Variants in CALN1 observed in about 807,000 individuals in gnomAD.
The protein encoded by CALN1 is calneuron 1, also known as calcium-binding protein 8.
CALN1 carries 17 observed loss-of-function variants against 30.6 expected under a neutral mutation model. The ratio of observed to expected loss-of-function variants is 0.56; its 90% confidence interval spans 0.38 to 0.83. The LOEUF is 0.83. CALN1 is among the 40% of genes least tolerant of loss of function. The pLI is 0.00. For synonymous variants in CALN1, 156 were observed against 131.4 expected (o/e 1.19, Z -1.28); for missense variants, 291 against 354.9 (o/e 0.82, Z 1.45).
intron 5 of CALN1, among the ~76,000 whole-genome samples, chr7:72,016,955 C>CCAG (rs1181568683): frequency 5.6e-5 from 8 of 142,952 alleles, no homozygotes; most frequent in African/African-American, 1.1e-4. Flanking sequence ...GAGCTCAAGA[C>CCAG]CAGCCTGGCC....
chr7:72,439,681 A>G (rs1037739268), intron 1 of CALN1, among the ~76,000 whole-genome samples: 1 of 151,446 alleles, frequency 6.6e-6, no homozygotes, highest in Non-Finnish European at 1.5e-5. Flanking sequence ...GAGTTCAAGC[A>G]ATTCTCTACC....
chr7:72,054,915 A>AAAAC (rs949766576), intron 4 of CALN1, among the ~76,000 whole-genome samples: 2 of 152,116 alleles, frequency 1.3e-5, no homozygotes, highest in Non-Finnish European at 2.9e-5. Context: ...AAAACAAAAC[A>AAAAC]AAACAAAACA....
intron 4 of CALN1, among the ~76,000 whole-genome samples, chr7:72,063,794 T>C (rs1803829263): frequency 6.6e-6 from 1 of 152,130 alleles, no homozygotes; most frequent in Admixed American, 6.6e-5. Flanking sequence ...ATTTTGGATT[T>C]TGGGATTGTG....
At chr7:72,185,192 CA>C (rs1790093451) in intron 3 of CALN1, among the ~76,000 whole-genome samples, 3 of 151,890 alleles carry the variant, frequency 2.0e-5, no homozygotes, top group Admixed American at 6.6e-5. Context: ...TCAGCTCACC[CA>C]AAGAGTCCAA....
intron 3 of CALN1, among the ~76,000 whole-genome samples, chr7:72,219,762 C>T (rs74758987): frequency 0.015 from 2,278 of 152,040 alleles, 26 homozygotes; most frequent in Middle Eastern, 0.041. Context: ...ACAGAGGCAG[C>T]AGAATAGGAA....
Position 72,278,783 on chromosome 7 carries a change from G to A in CALN1, c.147C>T (p.Thr49=), listed in dbSNP as rs544217491. 4.6e-5 allele frequency: 74 copies of A among 1,613,676 alleles called. No homozygotes were observed. In the South Asian group the frequency reaches 5.1e-4, roughly 11 times the overall value. The part of the protein sequence containing the change: ...TWEKMPFHHV[T]AGLLYKGNYL... ...AATTCCCCTTGTACAACAAGCCGGC[G>A]GTCACATGGTGGAACGGCATCTTTT... The change falls in exon 3 of 7, where the codon ACC becomes ACT. Residue 49 remains threonine, a synonymous_variant. Transcript: ENST00000395275.
intron 2 of CALN1, among the ~76,000 whole-genome samples, chr7:72,334,668 A>G (rs1234360938): frequency 6.6e-6 from 1 of 152,232 alleles, no homozygotes; most frequent in African/African-American, 2.4e-5. Flanking sequence ...ATTACTGGCA[A>G]TAGTTGCTTT....
intron 2 of CALN1, among the ~76,000 whole-genome samples, chr7:72,331,936 T>G (rs1327387686): frequency 6.6e-6 from 1 of 152,198 alleles, no homozygotes; most frequent in Non-Finnish European, 1.5e-5. Context: ...CTTCCACTTA[T>G]AAGTGAGAAC....
intron 5 of CALN1, among the ~76,000 whole-genome samples, chr7:71,883,259 G>A (rs997864343): frequency 2.6e-5 from 4 of 152,040 alleles, no homozygotes; most frequent in Admixed American, 2.0e-4. Context: ...AGAAGTATTT[G>A]GTGCTGTATG....
chr7:72,029,689 G>C (rs1340631326), intron 4 of CALN1, among the ~76,000 whole-genome samples: 2 of 152,204 alleles, frequency 1.3e-5, no homozygotes, highest in Admixed American at 1.3e-4. Context: ...ATGAGGTTCA[G>C]ACAGTTTTCA....
intron 5 of CALN1, among the ~76,000 whole-genome samples, chr7:71,954,671 C>T (rs183086512): frequency 1.3e-5 from 2 of 151,966 alleles, no homozygotes; most frequent in African/African-American, 2.4e-5. Flanking sequence ...AAAGAAGATA[C>T]GGATTGAGAA....
intron 3 of CALN1, among the ~76,000 whole-genome samples, chr7:72,106,598 G>T (rs868660107): frequency 2.7e-5 from 4 of 145,718 alleles, no homozygotes; most frequent in African/African-American, 7.6e-5. Flanking sequence ...GAGAGTGGAA[G>T]AGAGGAATGA....
chr7:72,382,736 T>C (rs533072878), intron 2 of CALN1, among the ~76,000 whole-genome samples: 14 of 152,284 alleles, frequency 9.2e-5, no homozygotes, highest in African/African-American at 3.1e-4. Flanking sequence ...CCTTCTGCAT[T>C]AGTTCAACCT....
chr7:72,018,142 A>T (rs921440130), intron 5 of CALN1, among the ~76,000 whole-genome samples: 1 of 152,132 alleles, frequency 6.6e-6, no homozygotes, highest in Admixed American at 6.5e-5. Flanking sequence ...CACCATGATA[A>T]AATAGCAGGG....
At chr7:72,131,037 A>G (rs1191978852) in intron 3 of CALN1, among the ~76,000 whole-genome samples, 3 of 152,150 alleles carry the variant, frequency 2.0e-5, no homozygotes, top group Non-Finnish European at 4.4e-5. Context: ...TTGGTGTACT[A>G]AGCACCCATG....
chr7:72,023,990 T>C (rs1364711618), intron 4 of CALN1, among the ~76,000 whole-genome samples: 7 of 152,206 alleles, frequency 4.6e-5, no homozygotes, highest in Admixed American at 2.0e-4. Flanking sequence ...TCCTAAACAT[T>C]TGACAGTATT....
At chr7:72,242,025 G>C (rs1178753006) in intron 3 of CALN1, among the ~76,000 whole-genome samples, 1 of 152,144 alleles carries the variant, frequency 6.6e-6, no homozygotes, top group Non-Finnish European at 1.5e-5. Flanking sequence ...CTCTGCACTT[G>C]TTAAACAACC....
chr7:72,262,003 A>G (rs993131322), intron 3 of CALN1, among the ~76,000 whole-genome samples: 2 of 152,214 alleles, frequency 1.3e-5, no homozygotes, highest in South Asian at 2.1e-4. Context: ...TCCCATTTTC[A>G]GAAAGCTTCG....
intron 5 of CALN1, among the ~76,000 whole-genome samples, chr7:71,986,213 A>G (rs966696241): frequency 6.6e-6 from 1 of 151,774 alleles, no homozygotes; most frequent in African/African-American, 2.4e-5. Context: ...ACACCCAACT[A>G]ATTTTTGTAT....
Sources: allele counts gnomAD v4.1 joint callset (sites outside exome capture counted in the v4.1 genomes callset), GRCh38; gene constraint gnomAD v4.1.1; transcripts MANE v1.5; gene names NCBI Gene and HGNC (gene_info 2026-07-23, HGNC 2026-07-21).